KRT71: variants seen among roughly 807,000 people sequenced by gnomAD.
KRT71 encodes keratin, type II cytoskeletal 71.
Under a neutral mutation model 46.2 loss-of-function variants are expected in KRT71, and 42 were observed. The observed-to-expected ratio is 0.91, with a 90% CI of 0.71 to 1.18. The LOEUF (loss-of-function observed/expected upper bound fraction) is 1.18, where lower values mean the gene tolerates loss of function less well. Ranked by LOEUF, KRT71 falls within the 50% of genes most tolerant of loss-of-function variation. KRT71 has a pLI of 0.00. For synonymous variants in KRT71, 292 were observed against 277.8 expected (o/e 1.05, Z -0.51); for missense variants, 708 against 677.9 (o/e 1.04, Z -0.49).
Position 52,546,287 on chromosome 12 carries a change from T to C in KRT71, c.1324A>G (p.Arg442Gly), listed in dbSNP as rs374795583. The C allele has an allele frequency of 7.4e-6, 12 of 1,614,104 alleles. No homozygotes were observed. Among genetic ancestry groups the C allele is most frequent in the Non-Finnish European group, 1.0e-5 (12 of 1,179,990 alleles). ...CCTGTCTGGGCACGCCCCGCCCACCTGCACTCCTCGCTCTCCAGTAGCTTG... is the reference window on the plus strand; with the variant it reads ...CCTGTCTGGGCACGCCCCGCCCACCCGCACTCCTCGCTCTCCAGTAGCTTG... ...YRKLLESEEC[R>G]MSGEFPSPVS... The change falls in exon 7 of 9, where the codon AGG becomes GGG. Residue 442 changes from arginine (R) to glycine (G), a missense_variant and splice_region_variant. Arg to Gly is a moderately radical substitution (Grantham distance 125, BLOSUM62 -2). Transcript: ENST00000267119.
At chr12:52,548,661 CAGCCTCCCCT>C in intron 4 of KRT71, 30 bp downstream of exon 4, 2 of 1,567,038 alleles carry the variant, frequency 1.3e-6, no homozygotes, top group Non-Finnish European at 1.8e-6. Context: ...TTTAACCCAC[CAGCCTCCCCT>C]AGATGAACCA....
intron 1 of KRT71, among the ~76,000 whole-genome samples, chr12:52,551,181 C>T (rs937413941): frequency 6.6e-5 from 10 of 152,188 alleles, no homozygotes; most frequent in African/African-American, 2.4e-4. Flanking sequence ...CACTACTGAA[C>T]ACATCTGGAT....
In KRT71 at chr12:52,544,600, T is replaced by A; in HGVS notation, c.1504A>T (p.Asn502Tyr). The change falls in exon 9 of 9, where the codon AAC becomes TAC. Residue 502 changes from asparagine (N) to tyrosine (Y), a missense_variant. Transcript: ENST00000267119. ...TTCCCTAGGGTGTCTTTGTAATCGT[T>A]GGCACTGCCCCGGCTCCTGCCCTCC... ...GGEGRSRGSA[N>Y]DYKDTLGKGS... The A allele has an allele frequency of 6.2e-7, 1 of 1,614,044 alleles. No homozygotes were observed. The highest frequency in any genetic ancestry group is 2.2e-5 in the East Asian group (1 of 44,872).
chr12:52,546,624 A>G, intron 6 of KRT71, 118 bp from the exon 7 acceptor site: 1 of 949,274 alleles, frequency 1.1e-6, no homozygotes, highest in Non-Finnish European at 1.5e-6. Flanking sequence ...TACACACACC[A>G]TCACACTTCC....
At chr12:52,549,093 C>T (rs1592205256) in intron 3 of KRT71, among the ~76,000 whole-genome samples, 200 bp downstream of exon 3, 1 of 152,212 alleles carries the variant, frequency 6.6e-6, no homozygotes, top group Admixed American at 6.5e-5. Context: ...ATTGGACATG[C>T]AGTCAGGTGT....
chr12:52,549,105 C>T (rs573582646), intron 3 of KRT71, among the ~76,000 whole-genome samples, 188 bp downstream of exon 3: 13 of 152,272 alleles, frequency 8.5e-5, no homozygotes, highest in African/African-American at 2.9e-4. Flanking sequence ...GTCAGGTGTC[C>T]TCTCACTGGC....
chr12:52,552,710 A>G lies in KRT71; in HGVS notation c.368T>C (p.Ile123Thr). Residue 123 changes from isoleucine to threonine, a missense_variant, in exon 1 of 9, where the codon ATC becomes ACC. Coordinates refer to ENST00000267119, the MANE Select transcript of KRT71 (RefSeq NM_033448.3). ...APLNVELDPEIQKVRAQEREQ... is the reference protein window; with the variant it reads ...APLNVELDPETQKVRAQEREQ... Reference sequence around the variant, plus strand: ...TCGCTCCTGGGCACGCACTTTCTGGATCTCGGGGTCCAGCTCCACGTTGAG... The same window carrying G: ...TCGCTCCTGGGCACGCACTTTCTGGGTCTCGGGGTCCAGCTCCACGTTGAG... 6.2e-7 allele frequency: 1 copy of G among 1,613,920 alleles called. No homozygotes were observed. The highest frequency in any genetic ancestry group is 8.5e-7 in the Non-Finnish European group (1 of 1,179,874).
chr12:52,548,979 G>A (rs1006177964), intron 3 of KRT71, among the ~76,000 whole-genome samples, 183 bp from the exon 4 acceptor site: 1 of 151,878 alleles, frequency 6.6e-6, no homozygotes, highest in Admixed American at 6.6e-5. Context: ...CTGTTCCCTC[G>A]GCAGGAATGA....
chr12:52,550,827 C>T (rs920222178), intron 1 of KRT71, among the ~76,000 whole-genome samples: 3 of 152,222 alleles, frequency 2.0e-5, no homozygotes, highest in Non-Finnish European at 2.9e-5. Flanking sequence ...CCATTGTAGC[C>T]CCTCACTGAG....
chr12:52,547,194 G>A (rs1939071917), intron 6 of KRT71, among the ~76,000 whole-genome samples: 1 of 152,150 alleles, frequency 6.6e-6, no homozygotes, highest in Non-Finnish European at 1.5e-5. Context: ...TATCCTCTCT[G>A]AGCCTCAGTT....
In KRT71 at chr12:52,547,997, G is replaced by T; in HGVS notation, c.979-15C>A. On this transcript the variant is annotated splice_polypyrimidine_tract_variant and intron_variant, in intron 5 of 8. Transcript: ENST00000267119. ...AGCTCTTGGAACTGGGGACCCCAAA[G>T]CACAGAGTCATGAGTGTGTCGTGGG... is the stretch of plus-strand genomic sequence containing the variant. 1 of 1,584,650 alleles carries T rather than the reference G, an allele frequency of 6.3e-7. No homozygotes were observed. Among genetic ancestry groups the T allele is most frequent in the Middle Eastern group, 1.7e-4 (1 of 5,978 alleles).
rs781033727 is a variant in KRT71 at position 52,546,265 on chromosome 12, G to A, written c.1325+21C>T. ...CTTCCCAAACCCCTGGGGCCCTCCT[G>A]TCTGGGCACGCCCCGCCCACCTGCA... is the stretch of plus-strand genomic sequence containing the variant. On this transcript the variant is annotated intron_variant, in intron 7 of 8. Transcript: ENST00000267119. The A allele has an allele frequency of 1.1e-5, 17 of 1,612,938 alleles. No individual in the cohort carries two copies. In the Admixed American group the frequency reaches 1.5e-4, roughly 14 times the overall value.
Position 52,544,477 on chromosome 12 carries a change from A to G in KRT71, c.*55T>C. The G allele has an allele frequency of 6.8e-7, 1 of 1,475,064 alleles. No individual in the cohort carries two copies. 91.4% of individuals were successfully genotyped at this position (1,475,064 alleles called of 1,614,324 possible). A position where few individuals can be genotyped will look rare whatever the true frequency, so the allele number is the denominator to read the frequency against. On this transcript the variant is annotated 3_prime_UTR_variant, in exon 9 of 9. Transcript: ENST00000267119. Reference sequence around the variant, plus strand: ...GCTGAGAGTGGGCTGTGGGAAGTACAGTGTGGGATCCAGAGCCGGGTCATG... The same window carrying G: ...GCTGAGAGTGGGCTGTGGGAAGTACGGTGTGGGATCCAGAGCCGGGTCATG...
chr12:52,549,995 G>C (rs779278538), intron 2 of KRT71, 34 bp downstream of exon 2: 34 of 1,610,802 alleles, frequency 2.1e-5, no homozygotes, highest in Middle Eastern at 1.6e-4. Context: ...GACAAGGGCA[G>C]TTGTCCAGTT....
chr12:52,552,639 T>G lies in KRT71; in HGVS notation c.439A>C (p.Lys147Gln). 1 of 1,608,938 alleles carries G rather than the reference T, an allele frequency of 6.2e-7. No homozygotes were observed. Residue 147 changes from lysine to glutamine, a missense_variant and splice_region_variant, in exon 1 of 9, where the codon AAG becomes CAG. Coordinates refer to ENST00000267119, the MANE Select transcript of KRT71 (RefSeq NM_033448.3). ...LNNKFASFIDKVRFLEQQNQV... is the reference protein window; with the variant it reads ...LNNKFASFIDQVRFLEQQNQV... Reference sequence around the variant, plus strand: ...TCCCCAGGCCCTAGAAGACCCACCTTGTCGATGAAGGAGGCGAACTTGTTG... The same window carrying G: ...TCCCCAGGCCCTAGAAGACCCACCTGGTCGATGAAGGAGGCGAACTTGTTG...
In KRT71 at chr12:52,552,679, C is replaced by T. The variant is rs1801579419; in HGVS notation, c.399G>A (p.Gln133=). ...CGAACTTGTTGTTCAGAGCCTTGAT[C>T]TGCTCTCGCTCCTGGGCACGCACTT... ...IQKVRAQERE[Q]IKALNNKFAS... is the part of the protein sequence containing the mutation. Residue 133 remains glutamine (Q), a synonymous_variant, in exon 1 of 9, where the codon CAG becomes CAA. Transcript: ENST00000267119. The T allele has an allele frequency of 6.2e-7, 1 of 1,613,592 alleles. No homozygotes were observed. Among genetic ancestry groups the T allele is most frequent in the Non-Finnish European group, 8.5e-7 (1 of 1,179,700 alleles).
intron 4 of KRT71, 114 bp downstream of exon 4, chr12:52,548,587 G>T: frequency 1.1e-6 from 1 of 932,364 alleles, no homozygotes; most frequent in South Asian, 1.5e-5. Context: ...GGAGATGGTT[G>T]GCTAACTGAG....
At position 52,548,313 on chromosome 12, in the gene KRT71, TCTC is replaced by T; in HGVS notation, c.814_816del (p.Glu272del). 3.7e-6 allele frequency: 6 copies of T among 1,609,842 alleles called. No homozygotes were observed. The highest frequency in any genetic ancestry group is 5.1e-6 in the Non-Finnish European group (6 of 1,177,748). On this transcript the variant is annotated inframe_deletion and splice_region_variant, in exon 5 of 9. Transcript: ENST00000267119. ...CTGATGTGGGACTGGATCTGAGTGATCTCCTGCAGGGGACACAGAAATGGTCTC... is the reference window on the plus strand; with the variant it reads ...CTGATGTGGGACTGGATCTGAGTGATCTGCAGGGGACACAGAAATGGTCTC...
At position 52,549,372 on chromosome 12, in the gene KRT71, C is replaced by A. The variant is rs201960634; in HGVS notation, c.657-19G>T. The A allele has an allele frequency of 6.2e-7, 1 of 1,604,986 alleles. No individual in the cohort carries two copies. Among genetic ancestry groups the A allele is most frequent in the Admixed American group, 1.7e-5 (1 of 59,986 alleles). On this transcript the variant is annotated intron_variant, in intron 2 of 8. Coordinates refer to ENST00000267119, the MANE Select transcript of KRT71 (RefSeq NM_033448.3). ...CTCATACCTGTGGGAATGGCGAGGG[C>A]TCATTGGTTAATATCTCACTGAAAG...
Sources: allele counts gnomAD v4.1 joint callset (sites outside exome capture counted in the v4.1 genomes callset), GRCh38; gene constraint gnomAD v4.1.1; transcripts MANE v1.5; gene names NCBI Gene and HGNC (gene_info 2026-07-23, HGNC 2026-07-21).